The following PCDHAC1 variants were observed in gnomAD, a reference collection of about 807,000 sequenced individuals.
PCDHAC1 encodes protocadherin alpha-C1.
Under a neutral mutation model 60.0 loss-of-function variants are expected in PCDHAC1, and 42 were observed. The ratio of observed to expected loss-of-function variants is 0.70; its 90% CI spans 0.55 to 0.90. The LOEUF is 0.90. Ranked by LOEUF, PCDHAC1 falls within the 40% of genes least tolerant of loss-of-function variation. PCDHAC1 has a pLI of 0.00. For synonymous variants in PCDHAC1, 468 were observed against 499.3 expected (o/e 0.94, Z 0.84); for missense variants, 1,160 against 1,222.3 (o/e 0.95, Z 0.76).
At chr5:140,929,421 A>G (rs2086144210) in intron 1 of PCDHAC1, 96 bp downstream of exon 1, 2 of 1,502,092 alleles carry the variant, frequency 1.3e-6, no homozygotes, top group Non-Finnish European at 1.8e-6. Flanking sequence ...ACAACATTTC[A>G]TCAATTGAAC....
intron 2 of PCDHAC1, 175 bp downstream of exon 2, chr5:140,979,182 A>C: frequency 2.6e-5 from 24 of 928,990 alleles, no homozygotes; most frequent in Non-Finnish European, 3.1e-5. Context: ...GCAAATGGTC[A>C]GTGCCAGATG....
chr5:140,959,078 A>C (rs1489301308), intron 1 of PCDHAC1, among the ~76,000 whole-genome samples: 1 of 152,128 alleles, frequency 6.6e-6, no homozygotes, highest in Non-Finnish European at 1.5e-5. Flanking sequence ...ATTCAGTATT[A>C]TCCTTGGTTT....
At position 140,967,719 on chromosome 5, in the gene PCDHAC1, G is replaced by A. The variant is rs1422649398; in HGVS notation, c.2434-11230G>A. On this transcript the variant is annotated intron_variant, in intron 1 of 3. Coordinates refer to ENST00000253807, the MANE Select transcript of PCDHAC1 (RefSeq NM_018898.5). ...ATAGATGCCAGTACCGGGGAAGTGC[G>A]AGTAATTGGGGGGCTGGATTATGAG... 3 of 1,614,052 alleles carry A rather than the reference G, an allele frequency of 1.9e-6. No individual in the cohort carries two copies. In the African/African-American group the frequency reaches 4.0e-5, roughly 22 times the overall value.
rs1169646324 is a variant in PCDHAC1 at position 141,011,134 on chromosome 5, ATACACAACCT to A, written c.*1199_*1208del. The A allele has an allele frequency of 6.5e-6, 1 of 153,688 alleles. No homozygotes were observed. Among genetic ancestry groups the A allele is most frequent in the East Asian group, 1.9e-4 (1 of 5,194 alleles). The allele number at this position is 153,688 out of a possible 1,614,324, so 9.5% of individuals were successfully genotyped here. ...CTAAGAAACAATTATGTGCACTTTG[ATACACAACCT>A]TCTCTAACCAACTATATATCAAGAC... On this transcript the variant is annotated 3_prime_UTR_variant, in exon 4 of 4. Transcript: ENST00000253807.
chr5:140,988,204 AG>A (rs2097287084), intron 3 of PCDHAC1, among the ~76,000 whole-genome samples: 1 of 152,100 alleles, frequency 6.6e-6, no homozygotes, highest in South Asian at 2.1e-4. Context: ...TATCCTTATT[AG>A]GAAAAAAAAA....
chr5:140,947,083 A>T (rs1268359945), intron 1 of PCDHAC1, among the ~76,000 whole-genome samples: 1 of 151,728 alleles, frequency 6.6e-6, no homozygotes, highest in African/African-American at 2.4e-5. Context: ...TTGAAACATC[A>T]GACTGTAGCC....
chr5:141,008,670 A>G (rs1375302412), intron 3 of PCDHAC1, among the ~76,000 whole-genome samples: 1 of 152,218 alleles, frequency 6.6e-6, no homozygotes, highest in Non-Finnish European at 1.5e-5. Flanking sequence ...TACTTTACAT[A>G]TACTTTAGTT....
At chr5:141,001,702 G>C (rs2098033163) in intron 3 of PCDHAC1, among the ~76,000 whole-genome samples, 1 of 152,194 alleles carries the variant, frequency 6.6e-6, no homozygotes, top group Non-Finnish European at 1.5e-5. Flanking sequence ...GGCGAAATAG[G>C]GGGCGGGGAA....
At chr5:140,997,978 C>A (rs1205743045) in intron 3 of PCDHAC1, among the ~76,000 whole-genome samples, 2 of 152,182 alleles carry the variant, frequency 1.3e-5, no homozygotes, top group Admixed American at 1.3e-4. Context: ...TTGGACTGCA[C>A]TTGTTACATA....
chr5:140,998,240 A>G (rs2097802500), intron 3 of PCDHAC1, among the ~76,000 whole-genome samples: 1 of 152,188 alleles, frequency 6.6e-6, no homozygotes, highest in Non-Finnish European at 1.5e-5. Context: ...GTGCATTATT[A>G]TACTCATTTT....
intron 3 of PCDHAC1, among the ~76,000 whole-genome samples, chr5:141,007,112 G>A (rs1554261059): frequency 6.6e-6 from 1 of 152,170 alleles, no homozygotes; most frequent in African/African-American, 2.4e-5. Flanking sequence ...ACCCAAGGAA[G>A]CTTCAACACA....
At chr5:140,975,130 G>C (rs1445050521) in intron 1 of PCDHAC1, among the ~76,000 whole-genome samples, 1 of 152,082 alleles carries the variant, frequency 6.6e-6, no homozygotes, top group Non-Finnish European at 1.5e-5. Flanking sequence ...CTTACTATTG[G>C]CCTGGGGTCA....
chr5:140,981,917 A>G (rs1465971302), intron 2 of PCDHAC1, among the ~76,000 whole-genome samples: 1 of 152,218 alleles, frequency 6.6e-6, no homozygotes, highest in Non-Finnish European at 1.5e-5. Flanking sequence ...GTGGTGATCA[A>G]GTTTCTCTAG....
intron 3 of PCDHAC1, among the ~76,000 whole-genome samples, chr5:141,007,029 T>C (rs2098299696): frequency 6.6e-6 from 1 of 152,154 alleles, no homozygotes; most frequent in Non-Finnish European, 1.5e-5. Context: ...ATATGGTATT[T>C]ATATCTATGG....
chr5:140,987,120 A>G (rs1224513029), intron 3 of PCDHAC1, among the ~76,000 whole-genome samples: 9 of 151,956 alleles, frequency 5.9e-5, no homozygotes, highest in African/African-American at 2.2e-4. Context: ...AGGCTGAGGC[A>G]GGAGAATTGC....
chr5:140,941,461 G>A (rs1202773112), intron 1 of PCDHAC1, among the ~76,000 whole-genome samples: 7 of 150,524 alleles, frequency 4.7e-5, no homozygotes, highest in Non-Finnish European at 7.4e-5. Context: ...GATTACAGGC[G>A]CCCACCACCA....
intron 1 of PCDHAC1, chr5:140,929,554 C>A (rs899446101): frequency 6.1e-6 from 3 of 488,410 alleles, no homozygotes; most frequent in African/African-American, 4.0e-5. Flanking sequence ...AAAATTAAAA[C>A]CTATTTAAGA....
chr5:140,951,667 C>A (rs180768474), intron 1 of PCDHAC1, among the ~76,000 whole-genome samples: 10 of 152,274 alleles, frequency 6.6e-5, no homozygotes, highest in African/African-American at 2.4e-4. Context: ...GGCCTGCCTA[C>A]AAAATTGGGG....
At chr5:141,000,421 A>ATTTTTTTTT (rs34755515) in intron 3 of PCDHAC1, among the ~76,000 whole-genome samples, 3 of 27,980 alleles carry the variant, frequency 1.1e-4, no homozygotes, top group African/African-American at 1.8e-4. Flanking sequence ...ATATATATAT[A>ATTTTTTTTT]TTTTTTTTTT....
Sources: allele counts gnomAD v4.1 joint callset (sites outside exome capture counted in the v4.1 genomes callset), GRCh38; gene constraint gnomAD v4.1.1; transcripts MANE v1.5; gene names NCBI Gene and HGNC (gene_info 2026-07-23, HGNC 2026-07-21).